Variants in PLCB1 observed in about 807,000 individuals in gnomAD.
The protein encoded by PLCB1 is phospholipase C beta 1.
Under a neutral mutation model 161.8 loss-of-function variants are expected in PLCB1, and 46 were observed. That is an observed-to-expected ratio of 0.28 (90% CI 0.22 to 0.36). The LOEUF (loss-of-function observed/expected upper bound fraction) is 0.36. Ranked by LOEUF, PLCB1 falls within the 10% of genes least tolerant of loss-of-function variation. The probability of loss-of-function intolerance (pLI) is 1.00; values close to 1 mark genes in which losing one functional copy is unlikely to be tolerated. For synonymous variants in PLCB1, 517 were observed against 503.7 expected (o/e 1.03, Z -0.35); for missense variants, 1,016 against 1,472.5 (o/e 0.69, Z 5.07).
At chr20:8,801,997 T>C in intron 31 of PLCB1, 1 of 1,003,814 alleles carries the variant, frequency 1.0e-6, no homozygotes, top group Non-Finnish European at 1.6e-6. Context: ...AAACACCAGA[T>C]GACTTAGAAA....
chr20:8,556,816 A>T (rs951095728), intron 3 of PLCB1, among the ~76,000 whole-genome samples: 1 of 151,832 alleles, frequency 6.6e-6, no homozygotes, highest in Non-Finnish European at 1.5e-5. Context: ...TAGTCCGGAA[A>T]AATGAGCAAA....
At chr20:8,751,475 T>G (rs1470214053) in intron 23 of PLCB1, 1 of 152,206 alleles carries the variant, frequency 6.6e-6, no homozygotes, top group Non-Finnish European at 1.5e-5. Flanking sequence ...TCTATAGAAC[T>G]TATAAAAATG....
At chr20:8,527,118 T>C (rs1246507124) in intron 3 of PLCB1, among the ~76,000 whole-genome samples, 6 of 152,172 alleles carry the variant, frequency 3.9e-5, no homozygotes, top group Admixed American at 2.0e-4. Flanking sequence ...ACTAGCCCTG[T>C]AAGATTTAGT....
intron 31 of PLCB1, among the ~76,000 whole-genome samples, chr20:8,830,551 G>A (rs1055758532): frequency 6.6e-6 from 1 of 152,136 alleles, no homozygotes; most frequent in African/African-American, 2.4e-5. Context: ...TACACATTTG[G>A]TAGAAAAAGA....
At chr20:8,493,704 CT>C (rs1318298633) in intron 3 of PLCB1, among the ~76,000 whole-genome samples, 2 of 139,292 alleles carry the variant, frequency 1.4e-5, no homozygotes, top group African/African-American at 5.6e-5. Context: ...GTGCTGTGTG[CT>C]ATAGCATCAC....
At chr20:8,315,947 A>G (rs1242006207) in intron 2 of PLCB1, among the ~76,000 whole-genome samples, 1 of 152,170 alleles carries the variant, frequency 6.6e-6, no homozygotes. Context: ...CTGTTTTTCT[A>G]ATGATATGCA....
intron 11 of PLCB1, among the ~76,000 whole-genome samples, chr20:8,707,267 G>T (rs529867016): frequency 6.6e-6 from 1 of 152,188 alleles, no homozygotes; most frequent in Admixed American, 6.5e-5. Context: ...TAGCTTTCAG[G>T]AGTGGATATA....
intron 23 of PLCB1, among the ~76,000 whole-genome samples, chr20:8,743,586 G>A (rs956136795): frequency 2.0e-5 from 3 of 151,926 alleles, no homozygotes; most frequent in African/African-American, 7.3e-5. Flanking sequence ...GTTTTTTCCT[G>A]AGACCATTCT....
chr20:8,153,177 C>T lies in PLCB1; in HGVS notation c.177+2806C>T, dbSNP rs968127610. Among the ~76,000 whole-genome samples the T allele has an allele frequency of 2.6e-5, 4 of 152,134 alleles. No individual in the cohort carries two copies. In the South Asian group the frequency reaches 6.2e-4, roughly 24 times the overall value. Reference sequence around the variant, plus strand: ...GAAATGTGCTTTAGTGAAACACTGACAGGATGTTTGGAGTTGGTGGAAGCA... The same window carrying T: ...GAAATGTGCTTTAGTGAAACACTGATAGGATGTTTGGAGTTGGTGGAAGCA... On this transcript the variant is annotated intron_variant, in intron 2 of 31. Transcript: ENST00000338037.
chr20:8,823,983 C>T (rs1401995256), intron 31 of PLCB1, among the ~76,000 whole-genome samples: 1 of 151,980 alleles, frequency 6.6e-6, no homozygotes, highest in African/African-American at 2.4e-5. Flanking sequence ...ACAGGGTTGG[C>T]AATGACACCC....
At chr20:8,538,712 G>A (rs1405784152) in intron 3 of PLCB1, among the ~76,000 whole-genome samples, 1 of 151,538 alleles carries the variant, frequency 6.6e-6, no homozygotes, top group African/African-American at 2.4e-5. Flanking sequence ...AAAGTACAAT[G>A]CACCAATTCT....
At chr20:8,390,529 G>A (rs1436891816) in intron 3 of PLCB1, among the ~76,000 whole-genome samples, 2 of 152,164 alleles carry the variant, frequency 1.3e-5, no homozygotes, top group Non-Finnish European at 2.9e-5. Flanking sequence ...CTTAGGATTT[G>A]CTTCTTTATA....
At chr20:8,430,278 C>CT (rs1979979217) in intron 3 of PLCB1, among the ~76,000 whole-genome samples, 3 of 152,060 alleles carry the variant, frequency 2.0e-5, no homozygotes, top group African/African-American at 7.2e-5. Flanking sequence ...GAAGTGATCA[C>CT]GAAGACCTAG....
At chr20:8,169,000 C>T (rs1049596436) in intron 2 of PLCB1, among the ~76,000 whole-genome samples, 3 of 151,972 alleles carry the variant, frequency 2.0e-5, no homozygotes, top group Non-Finnish European at 4.4e-5. Flanking sequence ...TAGATTTTGT[C>T]AATGAAGCAT....
At position 8,836,429 on chromosome 20, in the gene PLCB1, A is replaced by G. The variant is rs189102505; in HGVS notation, c.3424-45193A>G. On this transcript the variant is annotated intron_variant, in intron 31 of 31. Coordinates refer to ENST00000338037, the MANE Select transcript of PLCB1 (RefSeq NM_015192.4). ...GATGGGGTATTACACACACACACAT[A>G]CACTATTGATTCTGTCTCTCTGGAG... Among the ~76,000 whole-genome samples, 4 of 84,688 alleles carry G rather than the reference A, an allele frequency of 4.7e-5. No homozygotes were observed. The Admixed American group carries it at 6.3e-4, about 13-fold the overall frequency. The allele number at this position is 84,688 out of a possible 152,430, so 55.6% of individuals were successfully genotyped here.
At chr20:8,512,306 G>A (rs1051122441) in intron 3 of PLCB1, among the ~76,000 whole-genome samples, 18 of 151,932 alleles carry the variant, frequency 1.2e-4, no homozygotes, top group African/African-American at 4.1e-4. Context: ...ACCAAAACTC[G>A]GGATTTAGGC....
intron 11 of PLCB1, 62 bp downstream of exon 11, chr20:8,697,845 G>A (rs889169592): frequency 3.5e-5 from 52 of 1,493,072 alleles, no homozygotes; most frequent in Non-Finnish European, 4.6e-5. Context: ...TTTGGTTAAA[G>A]CCTCCTAAGG....
intron 3 of PLCB1, among the ~76,000 whole-genome samples, chr20:8,602,046 C>T (rs1307637425): frequency 6.6e-6 from 1 of 152,164 alleles, no homozygotes; most frequent in African/African-American, 2.4e-5. Context: ...CCTCCAATGT[C>T]ACTTAATGTA....
chr20:8,359,618 A>AT (rs1298400318), intron 2 of PLCB1, among the ~76,000 whole-genome samples: 1 of 152,162 alleles, frequency 6.6e-6, no homozygotes, highest in Non-Finnish European at 1.5e-5. Flanking sequence ...TGGGAAAACC[A>AT]TTTGCACGTT....
Sources: gnomAD v4.1 joint callset for allele counts (sites outside exome capture counted in the v4.1 genomes callset) on GRCh38, gnomAD v4.1.1 for gene constraint, MANE v1.5 for transcripts, NCBI Gene and HGNC (gene_info 2026-07-23, HGNC 2026-07-21) for gene names.